Variants in DDX54 observed in about 807,000 individuals in gnomAD.
DDX54 encodes the protein ATP-dependent RNA helicase DDX54.
DDX54 carries 67 observed loss-of-function variants against 105.5 expected under a neutral mutation model. The observed-to-expected ratio is 0.64, with a 90% confidence interval of 0.52 to 0.78. The LOEUF is 0.78. Ranked by LOEUF, DDX54 falls within the 30% of genes least tolerant of loss-of-function variation. The pLI is 0.00. For synonymous variants in DDX54, 514 were observed against 509.9 expected (o/e 1.01, Z -0.11); for missense variants, 1,206 against 1,230.5 (o/e 0.98, Z 0.30).
chr12:113,166,399 T>TAA (rs58460853), intron 12 of DDX54, among the ~76,000 whole-genome samples: 9 of 146,186 alleles, frequency 6.2e-5, no homozygotes, highest in Non-Finnish European at 4.5e-5. Flanking sequence ...TATCCGGCTC[T>TAA]AAAAAAAAAA....
At position 113,159,064 on chromosome 12, in the gene DDX54, C is replaced by T. The variant is rs143647024; in HGVS notation, c.2459G>A (p.Arg820His). Residue 820 changes from arginine to histidine, a missense_variant, in exon 20 of 20, where the codon CGC becomes CAC. Arg to His is a conservative substitution (Grantham distance 29). This residue lies in a region of DDX54 where 961 missense variants were observed against 1,019.1 expected (regional missense o/e 0.94). Transcript: ENST00000306014. ...CTGCTGCTTGGTCTTGAGTTCCGGG[C>T]GGACTCGGCCTGCAGGGGTGCCTGG... ...HAPGTPAGRV[R>H]PELKTKQQIL... is the part of the protein sequence containing the mutation. 7.0e-4 allele frequency: 1,120 copies of T among 1,608,744 alleles called. 2 individuals carry two copies. Among genetic ancestry groups the T allele is most frequent in the Non-Finnish European group, 8.9e-4 (1,043 of 1,178,142 alleles).
intron 2 of DDX54, among the ~76,000 whole-genome samples, chr12:113,180,457 T>A (rs1371311468): frequency 6.6e-6 from 1 of 152,168 alleles, no homozygotes; most frequent in East Asian, 1.9e-4. Flanking sequence ...GGACTTGAAC[T>A]CCTGGCCTCA....
chr12:113,184,705 G>A (rs1451977451), intron 1 of DDX54, among the ~76,000 whole-genome samples: 1 of 152,144 alleles, frequency 6.6e-6, no homozygotes, highest in African/African-American at 2.4e-5. Context: ...GCATGTCTGT[G>A]GTCTCAGCTA....
At chr12:113,181,844 T>C (rs1373831476) in intron 1 of DDX54, among the ~76,000 whole-genome samples, 1 of 151,946 alleles carries the variant, frequency 6.6e-6, no homozygotes, top group Non-Finnish European at 1.5e-5. Flanking sequence ...TACAGGGCTG[T>C]CCCCTTTCTC....
chr12:113,159,225 T>C (rs957156230), intron 19 of DDX54, 116 bp from the exon 20 acceptor site: 75 of 1,168,860 alleles, frequency 6.4e-5, no homozygotes, highest in Non-Finnish European at 7.9e-5. Flanking sequence ...CTTATTGCTG[T>C]GGCCCAGTGT....
chr12:113,174,923 G>A lies in DDX54; in HGVS notation c.888C>T (p.Pro296=), dbSNP rs747763082. The part of the protein sequence containing the change: ...VEFARAGLTE[P]VLIRLDVDTK... ...TATCCACGTCAAGCCGGATGAGCAC[G>A]GGCTCCGTGAGGCCTGCAGGAGACA... Residue 296 remains proline (P), a synonymous_variant, in exon 9 of 20, where the codon CCC becomes CCT. Transcript: ENST00000306014. The A allele has an allele frequency of 8.7e-6, 14 of 1,613,296 alleles. No individual in the cohort carries two copies. The highest frequency in any genetic ancestry group is 3.3e-5 in the Admixed American group (2 of 59,882).
chr12:113,182,509 A>C (rs568413580), intron 1 of DDX54, among the ~76,000 whole-genome samples: 1 of 152,126 alleles, frequency 6.6e-6, no homozygotes, highest in South Asian at 2.1e-4. Flanking sequence ...CCTGGGACAC[A>C]CAGGCGCCTG....
chr12:113,182,019 G>A (rs1471355978), intron 1 of DDX54, among the ~76,000 whole-genome samples: 1 of 152,058 alleles, frequency 6.6e-6, no homozygotes, highest in Non-Finnish European at 1.5e-5. Flanking sequence ...AGCATTTACG[G>A]AGCAGCAATT....
intron 11 of DDX54, among the ~76,000 whole-genome samples, chr12:113,170,254 G>A (rs1952321403): frequency 6.6e-6 from 1 of 152,196 alleles, no homozygotes; most frequent in South Asian, 2.1e-4. Flanking sequence ...CCCCAAGTTG[G>A]AAACTAAAGT....
rs528741840 is a variant in DDX54 at position 113,158,814 on chromosome 12, G to A, written c.*63C>T. The A allele has an allele frequency of 2.9e-5, 44 of 1,503,832 alleles. No individual in the cohort carries two copies. In the Middle Eastern group the frequency reaches 5.3e-4, roughly 18 times the overall value. 93.2% of individuals were successfully genotyped at this position (1,503,832 alleles called of 1,614,324 possible). ...CAGGGCCAGGCACACAGTGGTGCAC[G>A]GGAACGTCTGCTGATGCCCACCCTA... On this transcript the variant is annotated 3_prime_UTR_variant, in exon 20 of 20. Coordinates refer to ENST00000306014, the MANE Select transcript of DDX54 (RefSeq NM_024072.4). This position sits in a 1 kb window ranked among gnomAD's most constrained non-coding sequence, Gnocchi z 4.9.
chr12:113,175,574 G>A (rs1952392726), intron 7 of DDX54, among the ~76,000 whole-genome samples: 1 of 152,198 alleles, frequency 6.6e-6, no homozygotes, highest in Non-Finnish European at 1.5e-5. Context: ...GGATCATGAG[G>A]TCAGGAGATC....
rs769885042 is a variant in DDX54 at position 113,157,592 on chromosome 12, GC to G, written c.*1284del. 4 of 1,550,920 alleles carry G rather than the reference GC, an allele frequency of 2.6e-6. No homozygotes were observed. The highest frequency in any genetic ancestry group is 1.7e-6 in the Non-Finnish European group (2 of 1,146,502). On this transcript the variant is annotated 3_prime_UTR_variant, in exon 20 of 20. Coordinates refer to ENST00000306014, the MANE Select transcript of DDX54 (RefSeq NM_024072.4). ...GGGCTGGGATGTGACTTCGTGCTGG[GC>G]CCCCCCAGGTGAAGCTGTTCATGCA...
intron 2 of DDX54, among the ~76,000 whole-genome samples, chr12:113,180,263 T>A (rs1282086709): frequency 6.6e-6 from 1 of 152,188 alleles, no homozygotes; most frequent in African/African-American, 2.4e-5. Flanking sequence ...TAACGGGGTC[T>A]TAGGTGACAC....
chr12:113,169,659 TAAAAG>T, intron 12 of DDX54, 106 bp downstream of exon 12: 1 of 1,273,258 alleles, frequency 7.9e-7, no homozygotes, highest in Non-Finnish European at 1.1e-6. Flanking sequence ...ATAAAATAAA[TAAAAG>T]GAATCATCTT....
At position 113,177,089 on chromosome 12, in the gene DDX54, C is replaced by T. The variant is rs377178791; in HGVS notation, c.619G>A (p.Glu207Lys). The change falls in exon 6 of 20, where the codon GAA becomes AAA. Residue 207 changes from glutamate to lysine, a missense_variant. Around this residue, in one of 3 missense-constraint regions of DDX54, gnomAD observed 961 missense variants for 1,019.1 expected, o/e 0.94. Transcript: ENST00000306014. ...TALILGGDRM[E>K]DQFAALHENP... is the part of the protein sequence containing the mutation. ...TCGTGCAGGGCTGCAAACTGGTCTTCCATCCTAGAGAGGAGAGAAGGGGTT... is the reference window on the plus strand; with the variant it reads ...TCGTGCAGGGCTGCAAACTGGTCTTTCATCCTAGAGAGGAGAGAAGGGGTT... 63 of 1,613,958 alleles carry T rather than the reference C, an allele frequency of 3.9e-5. No homozygotes were observed. Among genetic ancestry groups the T allele is most frequent in the Non-Finnish European group, 4.0e-5 (47 of 1,180,008 alleles).
Position 113,165,884 on chromosome 12 carries a change from G to C in DDX54, c.1563C>G (p.Arg521=). The change falls in exon 13 of 20, where the codon CGC becomes CGG. Residue 521 remains arginine, a synonymous_variant. Coordinates refer to ENST00000306014, the MANE Select transcript of DDX54 (RefSeq NM_024072.4). The part of the protein sequence containing the change: ...VADNAQQQYV[R]SRPAPSPESI... The stretch of plus-strand genomic sequence containing the variant: ...ACTCAGGCGAGGGCGCCGGGCGTGA[G>C]CGCACATACTGCTGCTGGGCGTTAT... The C allele has an allele frequency of 6.2e-7, 1 of 1,613,750 alleles. No individual in the cohort carries two copies. Among genetic ancestry groups the C allele is most frequent in the Non-Finnish European group, 8.5e-7 (1 of 1,180,026 alleles).
At position 113,157,536 on chromosome 12, in the gene DDX54, G is replaced by A. The variant is rs1391698076; in HGVS notation, c.*1341C>T. On this transcript the variant is annotated 3_prime_UTR_variant, in exon 20 of 20. Coordinates refer to ENST00000306014, the MANE Select transcript of DDX54 (RefSeq NM_024072.4). ...CCCTACCTTTCGGCCTCCCCCGCGTGTTGAGGGGTGGGGGCTGGACAGTGA... is the reference window on the plus strand; with the variant it reads ...CCCTACCTTTCGGCCTCCCCCGCGTATTGAGGGGTGGGGGCTGGACAGTGA... 1.2e-5 allele frequency: 17 copies of A among 1,379,840 alleles called. No individual in the cohort carries two copies. The highest frequency in any genetic ancestry group is 1.7e-5 in the Non-Finnish European group (17 of 992,064). The allele number at this position is 1,379,840 out of a possible 1,614,324, so 85.5% of individuals were successfully genotyped here. A position where few individuals can be genotyped will look rare whatever the true frequency, so the allele number is the denominator to read the frequency against.
chr12:113,177,406 C>G, intron 5 of DDX54: 2 of 325,236 alleles, frequency 6.1e-6, no homozygotes, highest in Non-Finnish European at 1.1e-5. Context: ...CCCCCAGCAA[C>G]TAACCCCAGA....
At chr12:113,171,971 T>C (rs749306613) in intron 11 of DDX54, among the ~76,000 whole-genome samples, 4 of 152,116 alleles carry the variant, frequency 2.6e-5, no homozygotes, top group Admixed American at 2.0e-4. Context: ...AGCCTACCCT[T>C]GGGCAAAATC....
Sources: gnomAD v4.1 joint callset for allele counts (sites outside exome capture counted in the v4.1 genomes callset) on GRCh38, gnomAD v4.1.1 for gene constraint, gnomAD v4.1.1 regional missense constraint, Gnocchi (gnomAD v3.1) non-coding constraint, MANE v1.5 for transcripts, NCBI Gene and HGNC (gene_info 2026-07-23, HGNC 2026-07-21) for gene names.